Variants in ZNF521 observed in about 807,000 individuals in gnomAD.
ZNF521 encodes the protein zinc finger protein 521, also known as LYST-interacting protein 3.
Under a neutral mutation model 105.5 loss-of-function variants are expected in ZNF521, and 14 were observed. The ratio of observed to expected loss-of-function variants is 0.13; its 90% CI spans 0.09 to 0.21. The LOEUF is 0.21. Among genes scored for constraint, ZNF521 ranks in the 10% least tolerant of loss-of-function variants. The pLI is 1.00. For missense variants in ZNF521, 1,233 were observed against 1,629.7 expected (o/e 0.76, Z 4.19); for synonymous variants, 635 against 606.0 (o/e 1.05, Z -0.70).
chr18:25,218,448 C>T (rs1294805791), intron 4 of ZNF521, among the ~76,000 whole-genome samples: 1 of 143,850 alleles, frequency 7.0e-6, no homozygotes, highest in Non-Finnish European at 1.5e-5. Context: ...CACTTGAGCC[C>T]AGCATGGCCA....
chr18:25,262,056 C>G (rs1908946673), intron 3 of ZNF521, among the ~76,000 whole-genome samples: 1 of 152,090 alleles, frequency 6.6e-6, no homozygotes, highest in African/African-American at 2.4e-5. Flanking sequence ...ATAGCTTTTG[C>G]CTTATAAAGG....
At chr18:25,095,424 T>C (rs1311470272) in intron 5 of ZNF521, among the ~76,000 whole-genome samples, 1 of 152,200 alleles carries the variant, frequency 6.6e-6, no homozygotes, top group Non-Finnish European at 1.5e-5. Flanking sequence ...AGTCAATTGA[T>C]TTAATAACCA....
At chr18:25,078,162 G>A (rs1441763925) in intron 7 of ZNF521, among the ~76,000 whole-genome samples, 2 of 152,158 alleles carry the variant, frequency 1.3e-5, no homozygotes, top group Admixed American at 6.5e-5. Context: ...AGACTCTGGG[G>A]CGGCTGGGGG....
rs750377690 is a variant in ZNF521, at chr18:25,226,012, A to G, written c.1906T>C (p.Cys636Arg). Residue 636 changes from cysteine (C) to arginine (R), a missense_variant, in exon 4 of 8, where the codon TGT (cysteine) becomes CGT (arginine). Around this residue, in one of 6 missense-constraint regions of ZNF521, gnomAD observed 614 missense variants for 751.5 expected, o/e 0.82. Transcript: ENST00000361524. This position sits in a 1 kb window ranked among gnomAD's most constrained non-coding sequence, Gnocchi z 4.1. ...APARPTGEYICNQCGAKYTSL... is the reference protein window; with the variant it reads ...APARPTGEYIRNQCGAKYTSL... ...GTGTACTTAGCACCACATTGATTAC[A>G]GATATATTCTCCAGTGGGACGTGCA... 6.2e-7 allele frequency: 1 copy of G among 1,614,194 alleles called. No individual in the cohort carries two copies. Among genetic ancestry groups the G allele is most frequent in the Admixed American group, 1.7e-5 (1 of 60,032 alleles).
intron 3 of ZNF521, among the ~76,000 whole-genome samples, chr18:25,277,199 T>C (rs1600246933): frequency 6.7e-6 from 1 of 149,114 alleles, no homozygotes; most frequent in African/African-American, 2.5e-5. Flanking sequence ...AAAAAAAAAG[T>C]GTATCTATTA....
chr18:25,238,419 T>C (rs1395216842), intron 3 of ZNF521, among the ~76,000 whole-genome samples: 1 of 152,220 alleles, frequency 6.6e-6, no homozygotes, highest in Non-Finnish European at 1.5e-5. Flanking sequence ...CTGCTGGCTA[T>C]TGACCAGAAA....
intron 3 of ZNF521, among the ~76,000 whole-genome samples, chr18:25,252,715 G>T (rs45619334): frequency 0.011 from 1,743 of 152,090 alleles, 12 homozygotes; most frequent in South Asian, 0.032. Flanking sequence ...AATGGCAAAG[G>T]AGTTTCTTAT....
chr18:25,310,458 G>C (rs1354230109), intron 3 of ZNF521, among the ~76,000 whole-genome samples: 1 of 150,644 alleles, frequency 6.6e-6, no homozygotes, highest in African/African-American at 2.4e-5. Context: ...GGAGGGAAAA[G>C]ATTAAATTGA....
intron 5 of ZNF521, among the ~76,000 whole-genome samples, chr18:25,179,286 T>G (rs2035590128): frequency 6.6e-6 from 1 of 151,566 alleles, no homozygotes. Context: ...CCAGAGTAGC[T>G]AGGATTACAC....
intron 3 of ZNF521, chr18:25,315,936 A>C (rs1439022500): frequency 6.6e-6 from 1 of 152,234 alleles, no homozygotes; most frequent in African/African-American, 2.4e-5. Context: ...AGCACATAGA[A>C]TATATCCCTT....
intron 5 of ZNF521, among the ~76,000 whole-genome samples, chr18:25,132,879 C>T (rs1347335621): frequency 6.6e-6 from 1 of 152,096 alleles, no homozygotes; most frequent in Non-Finnish European, 1.5e-5. Flanking sequence ...GACAAAGCCC[C>T]GATCTGGAAA....
intron 5 of ZNF521, among the ~76,000 whole-genome samples, chr18:25,162,115 T>A (rs1355906792): frequency 3.3e-5 from 5 of 152,198 alleles, no homozygotes; most frequent in Non-Finnish European, 7.3e-5. Context: ...CTGAACCTAT[T>A]TTCCTTCCTC....
At chr18:25,146,726 A>G (rs1396840155) in intron 5 of ZNF521, among the ~76,000 whole-genome samples, 2 of 151,840 alleles carry the variant, frequency 1.3e-5, no homozygotes, top group Non-Finnish European at 2.9e-5. Flanking sequence ...ACAGTGGTGT[A>G]GATCAAGGCC....
chr18:25,109,898 T>C (rs1268472622), intron 5 of ZNF521, among the ~76,000 whole-genome samples: 1 of 152,212 alleles, frequency 6.6e-6, no homozygotes, highest in Non-Finnish European at 1.5e-5. Flanking sequence ...ATTCTGAAGA[T>C]TGTCTGTTTA....
chr18:25,243,983 C>T (rs1907528213), intron 3 of ZNF521, among the ~76,000 whole-genome samples: 1 of 152,098 alleles, frequency 6.6e-6, no homozygotes, highest in African/African-American at 2.4e-5. Context: ...TATTGTTCAA[C>T]CGCATAAATT....
chr18:25,074,782 C>T (rs928741505), intron 7 of ZNF521, among the ~76,000 whole-genome samples: 15 of 152,092 alleles, frequency 9.9e-5, no homozygotes, highest in Middle Eastern at 3.2e-3. Context: ...TCCTGGGCAC[C>T]TTTTCTGGCT....
chr18:25,249,970 G>A (rs1424611800), intron 3 of ZNF521, among the ~76,000 whole-genome samples: 4 of 152,016 alleles, frequency 2.6e-5, no homozygotes, highest in Non-Finnish European at 2.9e-5. Context: ...ACCAAGTCTC[G>A]CTCTGTCGCC....
intron 2 of ZNF521, among the ~76,000 whole-genome samples, chr18:25,349,556 G>C (rs149192038): frequency 4.6e-5 from 7 of 152,182 alleles, no homozygotes; most frequent in Admixed American, 3.9e-4. Context: ...TTGTGTGTGC[G>C]GTGAGGGCTC....
At chr18:25,143,024 T>C (rs1311752814) in intron 5 of ZNF521, among the ~76,000 whole-genome samples, 2 of 152,190 alleles carry the variant, frequency 1.3e-5, no homozygotes, top group South Asian at 2.1e-4. Context: ...GATATGCAGA[T>C]ATACTTGGCA....
Sources: allele counts gnomAD v4.1 joint callset (sites outside exome capture counted in the v4.1 genomes callset), GRCh38; gene constraint gnomAD v4.1.1; regional missense constraint gnomAD v4.1.1; non-coding constraint Gnocchi (gnomAD v3.1); transcripts MANE v1.5; gene names NCBI Gene and HGNC (gene_info 2026-07-23, HGNC 2026-07-21).